The following ADCY3 variants were observed in gnomAD, a reference collection of about 807,000 sequenced individuals.
ADCY3 encodes the protein adenylate cyclase type 3.
In ADCY3, 70 loss-of-function variants were observed where a neutral mutation model predicts 119.4. The observed-to-expected ratio is 0.59, with a 90% CI of 0.48 to 0.72. The LOEUF (loss-of-function observed/expected upper bound fraction) is 0.72, where lower values mean the gene tolerates loss of function less well. Ranked by LOEUF, ADCY3 falls within the 30% of genes least tolerant of loss-of-function variation. The pLI is 0.00. For missense variants in ADCY3, 1,238 were observed against 1,541.6 expected, an observed-to-expected ratio of 0.80 and a Z score of 3.30; for synonymous variants, 672 against 621.4, an observed-to-expected ratio of 1.08 and a Z score of -1.21.
Position 24,868,948 on chromosome 2 carries a change from C to T in ADCY3, c.825+3622G>A, listed in dbSNP as rs546859863. Among the ~76,000 whole-genome samples, 14 of 152,126 alleles carry T rather than the reference C, an allele frequency of 9.2e-5. No individual in the cohort carries two copies. The South Asian group carries it at 1.0e-3, about 11-fold the overall frequency. Reference sequence around the variant, plus strand: ...CTGAGGCTGGAGAATGGCGTGAACCCGGGAGGCAGAGCTTGCAGTGAGCCT... The same window carrying T: ...CTGAGGCTGGAGAATGGCGTGAACCTGGGAGGCAGAGCTTGCAGTGAGCCT... On this transcript the variant is annotated intron_variant, in intron 3 of 21. Coordinates refer to ENST00000679454, the MANE Select transcript of ADCY3 (RefSeq NM_004036.5).
chr2:24,859,941 G>C (rs1014551024), intron 3 of ADCY3, among the ~76,000 whole-genome samples: 2 of 152,114 alleles, frequency 1.3e-5, no homozygotes, highest in African/African-American at 4.8e-5. Context: ...CTCCCTCTAC[G>C]TGCCCTGGCT....
At position 24,878,169 on chromosome 2, in the gene ADCY3, T is replaced by C. The variant is rs368041424; in HGVS notation, c.676-5450A>G. On this transcript the variant is annotated intron_variant, in intron 2 of 21. Transcript: ENST00000679454. The surrounding 1 kb of genome is among the most constrained non-coding windows in gnomAD (Gnocchi z 4.0). ...AACATTTTTAGAATAATAAAATGCATCTCCCAAATGGATAAACACTTGGAC... is the reference window on the plus strand; with the variant it reads ...AACATTTTTAGAATAATAAAATGCACCTCCCAAATGGATAAACACTTGGAC... 3.8e-6 allele frequency: 1 copy of C among 262,672 alleles called. No homozygotes were observed. Among genetic ancestry groups the C allele is most frequent in the Non-Finnish European group, 7.7e-6 (1 of 130,066 alleles). 16.3% of individuals were successfully genotyped at this position (262,672 alleles called of 1,614,324 possible).
rs1194013224 is a variant in ADCY3 at position 24,819,723 on chromosome 2, AGACCCCTATGCTGGG to A, written c.*194_*208del. 2.6e-5 allele frequency: 15 copies of A among 571,700 alleles called. No individual in the cohort carries two copies. In the East Asian group the frequency reaches 2.9e-4, roughly 11 times the overall value. 35.4% of individuals were successfully genotyped at this position (571,700 alleles called of 1,614,324 possible). A position where few individuals can be genotyped will look rare whatever the true frequency, so the allele number is the denominator to read the frequency against. On this transcript the variant is annotated 3_prime_UTR_variant, in exon 22 of 22. Transcript: ENST00000679454. ...GAAGGACTGTTCAGCCCTATGCCTA[AGACCCCTATGCTGGG>A]GACACTACAGGCACACACAGGAATA... is the stretch of plus-strand genomic sequence containing the variant.
chr2:24,836,367 CA>C (rs1336083571), intron 9 of ADCY3, among the ~76,000 whole-genome samples: 15 of 152,262 alleles, frequency 9.9e-5, no homozygotes, highest in African/African-American at 3.6e-4. Flanking sequence ...CCGAGCAGGG[CA>C]GACATCCCAT....
chr2:24,839,218 A>G (rs1670703762), intron 7 of ADCY3, among the ~76,000 whole-genome samples: 1 of 152,182 alleles, frequency 6.6e-6, no homozygotes. Context: ...CTGGGATTAC[A>G]GGCGTGAGCC....
Position 24,918,511 on chromosome 2 carries a change from G to C in ADCY3, c.477C>G (p.Phe159Leu). ...TGTCACTAGCCGCGTGGGCACGCGCGAAGTTCAGGCCCAGGTAGGAGAAGA... is the reference window on the plus strand; with the variant it reads ...TGTCACTAGCCGCGTGGGCACGCGCCAAGTTCAGGCCCAGGTAGGAGAAGA... ...AQIFSYLGLN[F>L]ARAHAASDTV... Residue 159 changes from phenylalanine to leucine, a missense_variant, in exon 2 of 22, where the codon TTC (phenylalanine) becomes TTG (leucine). Physicochemically the swap from Phe to Leu is conservative, Grantham distance 22. Around this residue, in one of 7 missense-constraint regions of ADCY3, gnomAD observed 227 missense variants for 249.3 expected, o/e 0.91. Coordinates refer to ENST00000679454, the MANE Select transcript of ADCY3 (RefSeq NM_004036.5). The surrounding 1 kb of genome is among the most constrained non-coding windows in gnomAD (Gnocchi z 5.4). 6.2e-7 allele frequency: 1 copy of C among 1,613,996 alleles called. No individual in the cohort carries two copies. The highest frequency in any genetic ancestry group is 1.3e-5 in the African/African-American group (1 of 75,072).
In ADCY3 at chr2:24,842,935, G is replaced by A. The variant is rs113969280; in HGVS notation, c.826-551C>T. Among the ~76,000 whole-genome samples the A allele has an allele frequency of 8.1e-3, 1,227 of 152,344 alleles. 9 individuals are homozygous for A. The highest frequency in any genetic ancestry group is 0.041 in the Middle Eastern group (12 of 294). ...TGCCCAGCACAGCGCAGCATGGCAA[G>A]TTCTGTGCCCAGAAAGGAGAGAGCA... On this transcript the variant is annotated intron_variant, in intron 3 of 21. Coordinates refer to ENST00000679454, the MANE Select transcript of ADCY3 (RefSeq NM_004036.5). The surrounding 1 kb of genome is among the most constrained non-coding windows in gnomAD (Gnocchi z 4.9).
rs146407734 is a variant in ADCY3, at chr2:24,919,172, T to C, written c.-185A>G. ...CGGGTTTCCAGAGCACAGGTAGCAC[T>C]GATCAGCTAGAACTGAAAAGGGCAT... On this transcript the variant is annotated 5_prime_UTR_variant, in exon 2 of 22. Transcript: ENST00000679454. This position sits in a 1 kb window ranked among gnomAD's most constrained non-coding sequence, Gnocchi z 5.5. 1.6e-6 allele frequency: 1 copy of C among 614,982 alleles called. No individual in the cohort carries two copies. Among genetic ancestry groups the C allele is most frequent in the Non-Finnish European group, 2.8e-6 (1 of 352,228 alleles). 38.1% of individuals were successfully genotyped at this position (614,982 alleles called of 1,614,324 possible).
chr2:24,902,532 G>A (rs72848467), intron 2 of ADCY3, among the ~76,000 whole-genome samples: 12,490 of 151,922 alleles, frequency 0.082, 1,625 homozygotes, highest in African/African-American at 0.28. Flanking sequence ...TGTCTGTTAA[G>A]GTACCATAGC....
intron 2 of ADCY3, among the ~76,000 whole-genome samples, chr2:24,883,184 C>T (rs1180428484): frequency 6.6e-6 from 1 of 151,892 alleles, no homozygotes; most frequent in Admixed American, 6.6e-5. Context: ...CCCGTCTCTA[C>T]TAAAAATATA....
rs1671037962 is a variant in ADCY3 at position 24,841,739 on chromosome 2, T to C, written c.957-72A>G. ...GTACCCGACCCCACTGCCAGCTCCC[T>C]CTCCAACCCACAGGGCAGCCAGGAT... is the stretch of plus-strand genomic sequence containing the variant. On this transcript the variant is annotated intron_variant, in intron 4 of 21. Transcript: ENST00000679454. This position sits in a 1 kb window ranked among gnomAD's most constrained non-coding sequence, Gnocchi z 5.8. 3 of 1,176,326 alleles carry C rather than the reference T, an allele frequency of 2.6e-6. No individual in the cohort carries two copies. The East Asian group carries it at 7.2e-5, about 28-fold the overall frequency. The allele number at this position is 1,176,326 out of a possible 1,614,324, so 72.9% of individuals were successfully genotyped here.
intron 2 of ADCY3, among the ~76,000 whole-genome samples, chr2:24,892,497 C>T (rs1386799253): frequency 6.6e-6 from 1 of 152,118 alleles, no homozygotes; most frequent in Non-Finnish European, 1.5e-5. Context: ...GTGATCCACC[C>T]GCCTCGGCCT....
chr2:24,877,900 C>A, intron 2 of ADCY3: 2 of 471,190 alleles, frequency 4.2e-6, no homozygotes, highest in Non-Finnish European at 8.8e-6. Context: ...ACTGCCCAGT[C>A]CCGGGTCCTG....
intron 2 of ADCY3, among the ~76,000 whole-genome samples, chr2:24,917,618 G>A (rs1558534346): frequency 6.6e-6 from 1 of 152,178 alleles, no homozygotes. Context: ...TCCAGGACCA[G>A]CAGAATGCGT....
intron 16 of ADCY3, among the ~76,000 whole-genome samples, chr2:24,824,806 C>T (rs182926659): frequency 1.8e-4 from 28 of 152,290 alleles, no homozygotes; most frequent in Admixed American, 9.2e-4. Context: ...GGAGAATCAA[C>T]TTGAACCCAG....
chr2:24,853,378 A>G (rs985043714), intron 3 of ADCY3, among the ~76,000 whole-genome samples: 5 of 151,454 alleles, frequency 3.3e-5, no homozygotes, highest in African/African-American at 1.2e-4. Context: ...GGCAGCTTCC[A>G]TATTCTTTGT....
intron 2 of ADCY3, among the ~76,000 whole-genome samples, chr2:24,912,427 G>A (rs535937414): frequency 5.3e-5 from 8 of 152,216 alleles, no homozygotes; most frequent in Admixed American, 5.2e-4. Flanking sequence ...GACCACCCTC[G>A]TGGGATTTGC....
intron 16 of ADCY3, among the ~76,000 whole-genome samples, 165 bp from the exon 17 acceptor site, chr2:24,824,701 C>G (rs1281879111): frequency 2.6e-5 from 4 of 152,110 alleles, no homozygotes; most frequent in African/African-American, 9.7e-5. Flanking sequence ...CCAGCCTGAC[C>G]AACATGGTGA....
chr2:24,865,915 G>C (rs187693138), intron 3 of ADCY3, among the ~76,000 whole-genome samples: 4 of 152,136 alleles, frequency 2.6e-5, no homozygotes, highest in Non-Finnish European at 4.4e-5. Flanking sequence ...GCTGGAGAGA[G>C]AGCAATGATG....
Sources: gnomAD v4.1 joint callset for allele counts (sites outside exome capture counted in the v4.1 genomes callset) on GRCh38, gnomAD v4.1.1 for gene constraint, gnomAD v4.1.1 regional missense constraint, Gnocchi (gnomAD v3.1) non-coding constraint, MANE v1.5 for transcripts, NCBI Gene and HGNC (gene_info 2026-07-23, HGNC 2026-07-21) for gene names.